ALG9: variants seen among roughly 807,000 people sequenced by gnomAD.
ALG9 encodes the protein ALG9 alpha-1,2-mannosyltransferase, also known as alpha-1,2-mannosyltransferase ALG9.
Under a neutral mutation model 81.8 loss-of-function variants are expected in ALG9, and 55 were observed. That is an observed-to-expected ratio of 0.67 (90% CI 0.54 to 0.84). The LOEUF is 0.84. Among genes scored for constraint, ALG9 ranks in the 40% least tolerant of loss-of-function variants. The pLI is 0.00. For synonymous variants in ALG9, 278 were observed against 274.3 expected, an observed-to-expected ratio of 1.01 and a Z score of -0.13; for missense variants, 629 against 745.0, an observed-to-expected ratio of 0.84 and a Z score of 1.81.
rs187533500 is a variant in ALG9, at chr11:111,796,240, C to T, written c.1734-9720G>A. ...AAGAATGTGAAATACACAATCAATA[C>T]ATATTTTCTAAGACTCTATAATGTG... On this transcript the variant is annotated intron_variant, in intron 14 of 14. Transcript: ENST00000616540. Among the ~76,000 whole-genome samples, 300 of 152,280 alleles carry T rather than the reference C, an allele frequency of 2.0e-3. 4 individuals carry two copies. Among genetic ancestry groups the T allele is most frequent in the African/African-American group, 6.9e-3 (288 of 41,552 alleles).
At chr11:111,811,113 C>A (rs566663744) in intron 13 of ALG9, among the ~76,000 whole-genome samples, 1 of 152,122 alleles carries the variant, frequency 6.6e-6, no homozygotes, top group African/African-American at 2.4e-5. Flanking sequence ...TTTAGACTTA[C>A]AGGATGTCAA....
At chr11:111,864,947 T>TC (rs1173322935) in intron 4 of ALG9, among the ~76,000 whole-genome samples, 1 of 152,072 alleles carries the variant, frequency 6.6e-6, no homozygotes, top group Non-Finnish European at 1.5e-5. Context: ...CCGGCTAATT[T>TC]TGTATTTTTA....
chr11:111,840,136 TA>T (rs1955995217), intron 10 of ALG9, among the ~76,000 whole-genome samples: 1 of 152,196 alleles, frequency 6.6e-6, no homozygotes, highest in East Asian at 1.9e-4. Flanking sequence ...TCATCCTAAT[TA>T]TTTTTTTTCT....
Position 111,785,865 on chromosome 11 carries a change from G to A in ALG9, c.*532C>T, listed in dbSNP as rs886047681. 4 of 365,382 alleles carry A rather than the reference G, an allele frequency of 1.1e-5. No individual in the cohort carries two copies. The highest frequency in any genetic ancestry group is 8.3e-5 in the South Asian group (4 of 48,146). The allele number at this position is 365,382 out of a possible 1,614,324, so 22.6% of individuals were successfully genotyped here. A position where few individuals can be genotyped will look rare whatever the true frequency, so the allele number is the denominator to read the frequency against. ...AAAGAAGCTTAGTCTTGCTGGAGGT[G>A]AAAAGGACATGTGGGTTGGCAACTA... On this transcript the variant is annotated 3_prime_UTR_variant, in exon 15 of 15. Coordinates refer to ENST00000616540, the MANE Select transcript of ALG9 (RefSeq NM_024740.2).
downstream of ALG9, chr11:111,778,367 T>C (rs1308643849): frequency 6.6e-6 from 1 of 152,218 alleles, no homozygotes; most frequent in Non-Finnish European, 1.5e-5. Flanking sequence ...TGTCATTCAG[T>C]GTACTGAGAT....
At chr11:111,843,231 A>G (rs960464082) in intron 9 of ALG9, among the ~76,000 whole-genome samples, 7 of 152,222 alleles carry the variant, frequency 4.6e-5, no homozygotes, top group Non-Finnish European at 5.9e-5. Context: ...ATGCAAGATG[A>G]TGGCCTGGTT....
intron 14 of ALG9, among the ~76,000 whole-genome samples, chr11:111,793,735 T>C (rs1240693312): frequency 1.5e-5 from 2 of 133,640 alleles, no homozygotes; most frequent in African/African-American, 5.9e-5. Context: ...CACTCCAGCC[T>C]GGGTGACAGA....
At chr11:111,864,843 T>C (rs1961747181) in intron 4 of ALG9, among the ~76,000 whole-genome samples, 1 of 152,114 alleles carries the variant, frequency 6.6e-6, no homozygotes. Context: ...AATGGCACAA[T>C]CTCAGCTCAC....
chr11:111,866,259 T>C (rs1962415885), intron 3 of ALG9, among the ~76,000 whole-genome samples: 1 of 152,182 alleles, frequency 6.6e-6, no homozygotes, highest in Non-Finnish European at 1.5e-5. Context: ...ATCGTGCCAC[T>C]GCACTCCAGC....
chr11:111,796,235 C>G (rs1376585128), intron 14 of ALG9, among the ~76,000 whole-genome samples: 1 of 152,172 alleles, frequency 6.6e-6, no homozygotes, highest in East Asian at 1.9e-4. Flanking sequence ...AATACACAAT[C>G]AATACATATT....
At chr11:111,831,920 ATTT>A in intron 13 of ALG9, among the ~76,000 whole-genome samples, 1 of 152,206 alleles carries the variant, frequency 6.6e-6, no homozygotes, top group Non-Finnish European at 1.5e-5. Context: ...GCGTAATTTA[ATTT>A]TTGCATTTGA....
At chr11:111,844,127 C>T (rs1428629824) in intron 9 of ALG9, among the ~76,000 whole-genome samples, 2 of 152,112 alleles carry the variant, frequency 1.3e-5, no homozygotes, top group Non-Finnish European at 2.9e-5. Flanking sequence ...GCCTCAGCCT[C>T]CCTAGTAAGT....
intron 13 of ALG9, among the ~76,000 whole-genome samples, chr11:111,826,404 CAA>C (rs1270555886): frequency 3.5e-5 from 5 of 143,604 alleles, no homozygotes; most frequent in African/African-American, 1.3e-4. Context: ...AAAAAAAAAA[CAA>C]AAAAAAACTT....
intron 6 of ALG9, among the ~76,000 whole-genome samples, chr11:111,857,399 C>G (rs1378123661): frequency 3.3e-5 from 5 of 152,204 alleles, no homozygotes; most frequent in African/African-American, 1.2e-4. Flanking sequence ...GTGCCTAACA[C>G]ATAGCAGATG....
At chr11:111,866,328 G>T (rs1962446159) in intron 3 of ALG9, among the ~76,000 whole-genome samples, 1 of 152,028 alleles carries the variant, frequency 6.6e-6, no homozygotes, top group Non-Finnish European at 1.5e-5. Flanking sequence ...CCTACTTGTG[G>T]GATCTCACTC....
chr11:111,807,449 C>G (rs1173430887), intron 14 of ALG9, among the ~76,000 whole-genome samples: 1 of 152,224 alleles, frequency 6.6e-6, no homozygotes, highest in Non-Finnish European at 1.5e-5. Context: ...GAGGCCGACT[C>G]TGACCACCCT....
At chr11:111,822,272 G>A (rs537066464) in intron 13 of ALG9, among the ~76,000 whole-genome samples, 2 of 151,812 alleles carry the variant, frequency 1.3e-5, no homozygotes, top group Non-Finnish European at 2.9e-5. Flanking sequence ...AGCCAGGCAC[G>A]GTGGCACGTG....
chr11:111,779,767 A>G (rs1555056317), downstream of ALG9, among the ~76,000 whole-genome samples: 1 of 152,158 alleles, frequency 6.6e-6, no homozygotes, highest in Non-Finnish European at 1.5e-5. Flanking sequence ...GAATTCACTG[A>G]AAAAAAGGGA....
chr11:111,811,890 A>G (rs1376964114), intron 13 of ALG9, among the ~76,000 whole-genome samples: 39 of 152,168 alleles, frequency 2.6e-4, no homozygotes, highest in Admixed American at 2.6e-3. Context: ...GGGGGGAGGC[A>G]TAATAAAAAT....
Sources: allele counts gnomAD v4.1 joint callset (sites outside exome capture counted in the v4.1 genomes callset), GRCh38; gene constraint gnomAD v4.1.1; transcripts MANE v1.5; gene names NCBI Gene and HGNC (gene_info 2026-07-23, HGNC 2026-07-21).